ARID4B: variants seen among roughly 807,000 people sequenced by gnomAD.
ARID4B encodes AT-rich interactive domain-containing protein 4B.
ARID4B carries 26 observed loss-of-function variants against 147.5 expected under a neutral mutation model. That is an observed-to-expected ratio of 0.18 (90% CI 0.13 to 0.24). The LOEUF (loss-of-function observed/expected upper bound fraction) is 0.24. ARID4B is among the 10% of genes least tolerant of loss of function. The probability of loss-of-function intolerance (pLI) is 1.00; values close to 1 mark genes in which losing one functional copy is unlikely to be tolerated. For synonymous variants in ARID4B, 512 were observed against 507.9 expected, an observed-to-expected ratio of 1.01 and a Z score of -0.11; for missense variants, 1,179 against 1,511.5, an observed-to-expected ratio of 0.78 and a Z score of 3.65.
intron 2 of ARID4B, among the ~76,000 whole-genome samples, chr1:235,284,591 C>A (rs187512797): frequency 6.6e-6 from 1 of 152,126 alleles, no homozygotes; most frequent in Non-Finnish European, 1.5e-5. Context: ...GGAAAGCTAA[C>A]GTGAGAGGAT....
chr1:235,200,747 A>C (rs1171097653), intron 17 of ARID4B, among the ~76,000 whole-genome samples: 1 of 152,236 alleles, frequency 6.6e-6, no homozygotes. Context: ...TATTAAAAAG[A>C]GACAACACCA....
intron 17 of ARID4B, among the ~76,000 whole-genome samples, chr1:235,209,277 T>A (rs1666534591): frequency 1.3e-5 from 2 of 152,038 alleles, no homozygotes; most frequent in Admixed American, 1.3e-4. Flanking sequence ...TTGAGACCAG[T>A]CTGGTCAACA....
At chr1:235,250,573 T>C (rs1427298022) in intron 6 of ARID4B, among the ~76,000 whole-genome samples, 1 of 152,148 alleles carries the variant, frequency 6.6e-6, no homozygotes, top group Admixed American at 6.5e-5. Context: ...GATTAATGCT[T>C]TTTCTCCTCC....
intron 7 of ARID4B, among the ~76,000 whole-genome samples, chr1:235,243,876 A>T (rs1010958812): frequency 6.6e-6 from 1 of 152,098 alleles, no homozygotes; most frequent in Admixed American, 6.6e-5. Context: ...TTTTTTTCTC[A>T]ATTTTTATCA....
intron 2 of ARID4B, among the ~76,000 whole-genome samples, chr1:235,317,090 T>C (rs1674491942): frequency 6.6e-6 from 1 of 152,200 alleles, no homozygotes; most frequent in African/African-American, 2.4e-5. Context: ...TTCACCTAAA[T>C]GTTAACATTT....
intron 5 of ARID4B, among the ~76,000 whole-genome samples, chr1:235,255,137 C>G (rs980946073): frequency 1.3e-5 from 2 of 151,568 alleles, no homozygotes; most frequent in Admixed American, 1.3e-4. Context: ...AGTAAGAAAA[C>G]TGGAAACCTC....
chr1:235,271,926 G>A (rs949590412), intron 2 of ARID4B, among the ~76,000 whole-genome samples: 4 of 151,426 alleles, frequency 2.6e-5, no homozygotes, highest in Non-Finnish European at 5.9e-5. Flanking sequence ...TCCAACCTGG[G>A]CAACAGAGCG....
chr1:235,302,862 C>T (rs1673278316), intron 2 of ARID4B, among the ~76,000 whole-genome samples: 1 of 152,178 alleles, frequency 6.6e-6, no homozygotes, highest in African/African-American at 2.4e-5. Context: ...CATTACTTGC[C>T]TAACATCACA....
intron 6 of ARID4B, 68 bp from the exon 7 acceptor site, chr1:235,246,579 A>C: frequency 9.0e-7 from 1 of 1,105,898 alleles, no homozygotes; most frequent in Non-Finnish European, 1.4e-6. Flanking sequence ...TTTTAAACCA[A>C]ATCAATTTAA....
At chr1:235,248,133 C>CTTG (rs2103087164) in intron 6 of ARID4B, among the ~76,000 whole-genome samples, 1 of 152,234 alleles carries the variant, frequency 6.6e-6, no homozygotes, top group African/African-American at 2.4e-5. Context: ...CTCACTGCAG[C>CTTG]CTCAACCTCC....
In ARID4B at chr1:235,308,061, T is replaced by A. The variant is rs141856836; in HGVS notation, c.6+18853A>T. On this transcript the variant is annotated intron_variant, in intron 2 of 23. Transcript: ENST00000264183. ...AAGTCCACTGTCGTTCATTTTTATG[T>A]TTTTTCATATGATTTCTTCTAATTT... 7.9e-5 allele frequency among the ~76,000 whole-genome samples: 12 copies of A among 151,442 alleles called. No homozygotes were observed. The East Asian group carries it at 1.9e-3, about 25-fold the overall frequency.
At chr1:235,306,005 A>G (rs1040963365) in intron 2 of ARID4B, among the ~76,000 whole-genome samples, 7 of 152,244 alleles carry the variant, frequency 4.6e-5, no homozygotes, top group Non-Finnish European at 8.8e-5. Context: ...AGACTGACAT[A>G]TATTAAGCAC....
intron 16 of ARID4B, among the ~76,000 whole-genome samples, chr1:235,214,821 G>C (rs1055085853): frequency 7.2e-6 from 1 of 139,784 alleles, no homozygotes; most frequent in African/African-American, 2.6e-5. Context: ...AACTATTCTA[G>C]AAAGAGTATT....
intron 2 of ARID4B, among the ~76,000 whole-genome samples, chr1:235,291,750 C>CA (rs1672353881): frequency 6.6e-6 from 1 of 151,844 alleles, no homozygotes; most frequent in Admixed American, 6.6e-5. Context: ...ACAAAACAAA[C>CA]AAAAAAACAC....
rs559452096 is a variant in ARID4B at position 235,262,819 on chromosome 1, T to A, written c.7-2067A>T. Among the ~76,000 whole-genome samples, 393 of 151,986 alleles carry A rather than the reference T, an allele frequency of 2.6e-3. 2 individuals are homozygous for A. The highest frequency in any genetic ancestry group is 4.4e-3 in the Non-Finnish European group (298 of 67,950). Reference sequence around the variant, plus strand: ...CTATCTCAATTAATTAAAAAAAAATTTTTATCATAAGGATGGGAATATAAT... The same window carrying A: ...CTATCTCAATTAATTAAAAAAAAATATTTATCATAAGGATGGGAATATAAT... On this transcript the variant is annotated intron_variant, in intron 2 of 23. Transcript: ENST00000264183.
rs538346234 is a variant in ARID4B, at chr1:235,278,090, G to T, written c.7-17338C>A. Among the ~76,000 whole-genome samples, 8 of 152,242 alleles carry T rather than the reference G, an allele frequency of 5.3e-5. No homozygotes were observed. In the East Asian group the frequency reaches 5.8e-4, roughly 11 times the overall value. On this transcript the variant is annotated intron_variant, in intron 2 of 23. Transcript: ENST00000264183. The stretch of plus-strand genomic sequence containing the variant: ...AGAAAGGGCCATGCTACATACAGGG[G>T]TATGTAACAGGCCTTCCAGGATACT...
chr1:235,242,906 C>T (rs563249421), intron 7 of ARID4B, among the ~76,000 whole-genome samples: 16 of 152,204 alleles, frequency 1.1e-4, no homozygotes, highest in Admixed American at 2.6e-4. Context: ...CAGTCCCTGC[C>T]CATCTACCTC....
chr1:235,300,106 G>A lies in ARID4B; in HGVS notation c.6+26808C>T, dbSNP rs180890585. ...TCATTCTATCCAGCAACCAATAAGC[G>A]GTGTGACTGTCAGAAAAACAGGCTC... On this transcript the variant is annotated intron_variant, in intron 2 of 23. Coordinates refer to ENST00000264183, the MANE Select transcript of ARID4B (RefSeq NM_016374.6). Among the ~76,000 whole-genome samples, 18 of 152,160 alleles carry A rather than the reference G, an allele frequency of 1.2e-4. No individual in the cohort carries two copies. In the East Asian group the frequency reaches 2.1e-3, roughly 18 times the overall value.
intron 2 of ARID4B, among the ~76,000 whole-genome samples, chr1:235,321,538 C>T (rs1376663945): frequency 2.6e-5 from 4 of 152,158 alleles, no homozygotes; most frequent in African/African-American, 4.8e-5. Context: ...CAGACTCTTG[C>T]TCTGTCGCCC....
Sources: gnomAD v4.1 joint callset for allele counts (sites outside exome capture counted in the v4.1 genomes callset) on GRCh38, gnomAD v4.1.1 for gene constraint, MANE v1.5 for transcripts, NCBI Gene and HGNC (gene_info 2026-07-23, HGNC 2026-07-21) for gene names.